The following RBFOX1 variants were observed in gnomAD, a reference collection of about 807,000 sequenced individuals.
RBFOX1 encodes the protein RNA binding fox-1 homolog 1, also known as RNA binding protein fox-1 homolog 1.
Under a neutral mutation model 57.7 loss-of-function variants are expected in RBFOX1, and 8 were observed. That is an observed-to-expected ratio of 0.14 (90% CI 0.08 to 0.25). The LOEUF (loss-of-function observed/expected upper bound fraction) is 0.25. RBFOX1 is among the 10% of genes least tolerant of loss of function. The probability of loss-of-function intolerance (pLI) is 1.00; values close to 1 mark genes in which losing one functional copy is unlikely to be tolerated. For missense variants in RBFOX1, 611 were observed against 548.5 expected, an observed-to-expected ratio of 1.11 and a Z score of -1.14; for synonymous variants, 326 against 222.4, an observed-to-expected ratio of 1.47 and a Z score of -4.15.
intron 4 of RBFOX1, among the ~76,000 whole-genome samples, chr16:7,177,197 G>A (rs771444730): frequency 2.0e-4 from 31 of 152,154 alleles, no homozygotes; most frequent in Non-Finnish European, 2.5e-4. Flanking sequence ...GGAGAATAGC[G>A]ACAATACAAC....
At chr16:6,157,268 C>G (rs975036243) in intron 1 of RBFOX1, among the ~76,000 whole-genome samples, 1 of 152,060 alleles carries the variant, frequency 6.6e-6, no homozygotes, top group African/African-American at 2.4e-5. Context: ...GTGTACACAG[C>G]AAACAGGTGG....
intron 3 of RBFOX1, among the ~76,000 whole-genome samples, chr16:6,849,336 A>G (rs2093940991): frequency 6.6e-6 from 1 of 152,202 alleles, no homozygotes; most frequent in South Asian, 2.1e-4. Flanking sequence ...ATAGATTATG[A>G]CAAAAGTAGA....
At chr16:5,621,242 A>T (rs1476514063) in intron 3 of RBFOX1, among the ~76,000 whole-genome samples, 2 of 152,098 alleles carry the variant, frequency 1.3e-5, no homozygotes, top group Non-Finnish European at 2.9e-5. Flanking sequence ...CTCCCAAAGT[A>T]CTGGGATAAC....
At chr16:6,356,802 ACAAATGTCCCCTT>A (rs2087408000) in intron 2 of RBFOX1, among the ~76,000 whole-genome samples, 1 of 152,214 alleles carries the variant, frequency 6.6e-6, no homozygotes, top group Non-Finnish European at 1.5e-5. Flanking sequence ...TATTAATCTG[ACAAATGTCCCCTT>A]CCAATCAAAG....
chr16:6,519,161 G>T (rs1215581084), intron 2 of RBFOX1, among the ~76,000 whole-genome samples: 3 of 151,954 alleles, frequency 2.0e-5, no homozygotes. Flanking sequence ...GTCAAGATAT[G>T]GGGGGAACCG....
At chr16:6,661,038 G>A (rs368013084) in intron 3 of RBFOX1, among the ~76,000 whole-genome samples, 27 of 152,304 alleles carry the variant, frequency 1.8e-4, no homozygotes, top group African/African-American at 6.3e-4. Context: ...CCTATGTACT[G>A]CAGCGACCTG....
At chr16:7,650,329 T>G (rs1486909388) in intron 11 of RBFOX1, among the ~76,000 whole-genome samples, 1 of 151,218 alleles carries the variant, frequency 6.6e-6, no homozygotes, top group Non-Finnish European at 1.5e-5. Flanking sequence ...TTTTTTTTTT[T>G]GGCCAAGGGT....
At chr16:6,767,905 A>G (rs2077568142) in intron 3 of RBFOX1, among the ~76,000 whole-genome samples, 1 of 132,604 alleles carries the variant, frequency 7.5e-6, no homozygotes. Context: ...CAGAGTAAGG[A>G]CTCTATCTCA....
At chr16:7,198,610 A>G (rs1020373384) in intron 4 of RBFOX1, among the ~76,000 whole-genome samples, 2 of 152,196 alleles carry the variant, frequency 1.3e-5, no homozygotes, top group East Asian at 1.9e-4. Context: ...ATGACACTGC[A>G]TATCACATGG....
intron 2 of RBFOX1, among the ~76,000 whole-genome samples, chr16:5,480,985 G>A (rs188079073): frequency 1.6e-4 from 25 of 152,332 alleles, no homozygotes; most frequent in African/African-American, 3.8e-4. Context: ...TCTGAGCTGA[G>A]CATTCATGCA....
intron 3 of RBFOX1, among the ~76,000 whole-genome samples, chr16:5,728,852 C>G (rs539365728): frequency 6.6e-6 from 1 of 152,190 alleles, no homozygotes; most frequent in Non-Finnish European, 1.5e-5. Flanking sequence ...ACCTTTAAGT[C>G]TGCCCATCCA....
At chr16:7,319,998 T>C (rs1344460729) in intron 4 of RBFOX1, among the ~76,000 whole-genome samples, 1 of 152,198 alleles carries the variant, frequency 6.6e-6, no homozygotes, top group Non-Finnish European at 1.5e-5. Context: ...ACATATCTTC[T>C]AGGACTGCCT....
intron 4 of RBFOX1, among the ~76,000 whole-genome samples, chr16:7,241,637 C>T (rs1042770098): frequency 2.0e-5 from 3 of 152,014 alleles, no homozygotes; most frequent in Non-Finnish European, 4.4e-5. Context: ...AACATTTCTT[C>T]TTTATGTTGG....
At chr16:6,182,553 C>T (rs561629606) in intron 1 of RBFOX1, among the ~76,000 whole-genome samples, 2 of 152,270 alleles carry the variant, frequency 1.3e-5, no homozygotes, top group East Asian at 3.9e-4. Context: ...TGCCACATAA[C>T]TTTGTATTGA....
At chr16:6,539,740 G>A (rs531418181) in intron 2 of RBFOX1, among the ~76,000 whole-genome samples, 4 of 151,278 alleles carry the variant, frequency 2.6e-5, no homozygotes, top group Non-Finnish European at 5.9e-5. Context: ...GGAGGTTGCA[G>A]TGAGCTGAGA....
At chr16:6,180,604 C>T (rs1328040421) in intron 1 of RBFOX1, among the ~76,000 whole-genome samples, 1 of 151,120 alleles carries the variant, frequency 6.6e-6, no homozygotes, top group African/African-American at 2.4e-5. Flanking sequence ...TTCGCTTTGT[C>T]ACCCAGGCTG....
intron 4 of RBFOX1, among the ~76,000 whole-genome samples, chr16:7,148,080 C>T (rs571128787): frequency 6.6e-6 from 1 of 152,152 alleles, no homozygotes; most frequent in Non-Finnish European, 1.5e-5. Flanking sequence ...GATGAGCAGA[C>T]AAACCTAGTC....
chr16:7,055,898 G>T (rs899936689), intron 4 of RBFOX1, among the ~76,000 whole-genome samples: 11 of 151,946 alleles, frequency 7.2e-5, no homozygotes, highest in Non-Finnish European at 1.2e-4. Context: ...ACATGTGTGG[G>T]CTCAGCAACT....
At chr16:5,421,789 C>G (rs533274930) in intron 1 of RBFOX1, among the ~76,000 whole-genome samples, 12 of 152,312 alleles carry the variant, frequency 7.9e-5, no homozygotes, top group African/African-American at 2.6e-4. Context: ...TCCAGATGAG[C>G]CTAAGAAACC....
Sources: gnomAD v4.1 joint callset for allele counts (sites outside exome capture counted in the v4.1 genomes callset) on GRCh38, gnomAD v4.1.1 for gene constraint, MANE v1.5 for transcripts, NCBI Gene and HGNC (gene_info 2026-07-23, HGNC 2026-07-21) for gene names.